ZNF362: variants seen among roughly 807,000 people sequenced by gnomAD.
ZNF362 encodes zinc finger protein 362.
ZNF362 carries 11 observed loss-of-function variants against 42.9 expected under a neutral mutation model. That is an observed-to-expected ratio of 0.26 (90% CI 0.16 to 0.42). ZNF362 has a LOEUF of 0.42. Ranked by LOEUF, ZNF362 falls within the 20% of genes least tolerant of loss-of-function variation. The pLI is 1.00. For synonymous variants in ZNF362, 255 were observed against 257.3 expected (o/e 0.99, Z 0.09); for missense variants, 362 against 576.2 (o/e 0.63, Z 3.81).
the ZNF362 span, among the ~76,000 whole-genome samples, chr1:33,188,943 C>A: frequency 6.6e-6 from 1 of 152,188 alleles, no homozygotes; most frequent in East Asian, 1.9e-4. Context: ...CATGCTTCTT[C>A]CCCAGACCTC....
chr1:33,288,526 G>A (rs1256984678), intron 6 of ZNF362, among the ~76,000 whole-genome samples: 1 of 151,856 alleles, frequency 6.6e-6, no homozygotes, highest in African/African-American at 2.4e-5. Flanking sequence ...ATTACTTGAG[G>A]TCAGGAGTTT....
the ZNF362 span, among the ~76,000 whole-genome samples, chr1:33,201,195 T>TA: frequency 6.6e-6 from 1 of 152,148 alleles, no homozygotes; most frequent in Admixed American, 6.5e-5. Context: ...ACAATGATAG[T>TA]AGGAGATTCC....
chr1:33,289,822 A>G (rs1184643069), intron 6 of ZNF362, among the ~76,000 whole-genome samples: 1 of 152,106 alleles, frequency 6.6e-6, no homozygotes, highest in Non-Finnish European at 1.5e-5. Flanking sequence ...AGACATGGAG[A>G]AAATAAGTAC....
chr1:33,279,994 A>T, intron 4 of ZNF362, 130 bp from the exon 5 acceptor site: 1 of 1,077,636 alleles, frequency 9.3e-7, no homozygotes, highest in Non-Finnish European at 1.3e-6. Flanking sequence ...GGTCTCATTT[A>T]GTTACCCCTG....
chr1:33,280,356 C>G lies in ZNF362; in HGVS notation c.582C>G (p.Arg194=), dbSNP rs1206888763. The G allele has an allele frequency of 6.2e-7, 1 of 1,613,862 alleles. No individual in the cohort carries two copies. Among genetic ancestry groups the G allele is most frequent in the Non-Finnish European group, 8.5e-7 (1 of 1,179,954 alleles). ...LLGPPKSERG[R]KKIKAENPGG... is the part of the protein sequence containing the mutation. ...GCCCCCCCAAGTCCGAACGCGGCCG[C>G]AAAAAGATCAAGGCGGAGAACCCGG... The change falls in exon 5 of 9, where the codon CGC becomes CGG. Residue 194 remains arginine (R), a synonymous_variant. Coordinates refer to ENST00000539719, the MANE Select transcript of ZNF362 (RefSeq NM_152493.3). The surrounding 1 kb of genome is among the most constrained non-coding windows in gnomAD (Gnocchi z 5.6).
chr1:33,277,022 C>T (rs550565609), intron 4 of ZNF362, among the ~76,000 whole-genome samples: 1 of 152,346 alleles, frequency 6.6e-6, no homozygotes, highest in African/African-American at 2.4e-5. Flanking sequence ...GAGGGAACCG[C>T]ACAGGCGGAG....
the ZNF362 span, among the ~76,000 whole-genome samples, chr1:33,217,140 A>G: frequency 8.5e-5 from 13 of 152,118 alleles, no homozygotes; most frequent in African/African-American, 3.1e-4. Flanking sequence ...GCTCAGTGCT[A>G]AGGAGGCTAA....
At chr1:33,289,328 G>A (rs1646057788) in intron 6 of ZNF362, among the ~76,000 whole-genome samples, 2 of 152,156 alleles carry the variant, frequency 1.3e-5, no homozygotes, top group Admixed American at 1.3e-4. Flanking sequence ...GGCCTTGCAA[G>A]CTGGGGAAGG....
At chr1:33,271,809 T>C (rs1006885649) in intron 2 of ZNF362, among the ~76,000 whole-genome samples, 4 of 151,884 alleles carry the variant, frequency 2.6e-5, no homozygotes, top group African/African-American at 9.7e-5. Context: ...ACTGTGTGTC[T>C]GCAGGAGCAT....
chr1:33,189,709 G>GTATATATATATATA, the ZNF362 span, among the ~76,000 whole-genome samples: 51 of 12,442 alleles, frequency 4.1e-3, 1 homozygote, highest in Non-Finnish European at 4.4e-3. Flanking sequence ...ACATATATAC[G>GTATATATATATATA]TATATATATA....
At chr1:33,144,340 G>A in the ZNF362 span, among the ~76,000 whole-genome samples, 10 of 152,266 alleles carry the variant, frequency 6.6e-5, no homozygotes, top group Admixed American at 2.6e-4. Context: ...GTTTCTCCAC[G>A]TTGGTCAGGG....
the ZNF362 span, among the ~76,000 whole-genome samples, chr1:33,234,397 G>C: frequency 7.2e-5 from 11 of 152,058 alleles, no homozygotes; most frequent in Non-Finnish European, 1.5e-5. Flanking sequence ...CATCATTTTT[G>C]CCAAGGGCTA....
At chr1:33,257,768 T>C (rs1645803849) in intron 1 of ZNF362, among the ~76,000 whole-genome samples, 1 of 152,186 alleles carries the variant, frequency 6.6e-6, no homozygotes, top group South Asian at 2.1e-4. Flanking sequence ...CCCACCACCC[T>C]GCCCTCGAGC....
the ZNF362 span, among the ~76,000 whole-genome samples, chr1:33,178,613 G>C: frequency 6.6e-6 from 1 of 152,214 alleles, no homozygotes; most frequent in Admixed American, 6.5e-5. Flanking sequence ...TCCCAGGTCA[G>C]CTTCACAAAA....
chr1:33,264,753 A>G (rs768163862), intron 1 of ZNF362, among the ~76,000 whole-genome samples: 4 of 152,054 alleles, frequency 2.6e-5, no homozygotes. Context: ...CTCTGCCTGC[A>G]CCAGATGCAT....
chr1:33,254,732 C>CT (rs1645776218), upstream of ZNF362, among the ~76,000 whole-genome samples: 1 of 98,086 alleles, frequency 1.0e-5, no homozygotes. Flanking sequence ...TTTCCTCTCC[C>CT]TTTCCATATT....
chr1:33,141,812 G>A, the ZNF362 span: 10 of 169,690 alleles, frequency 5.9e-5, 1 homozygote, highest in East Asian at 4.2e-4. Context: ...AAACCTGCAC[G>A]TCCTGCACAT....
upstream of ZNF362, among the ~76,000 whole-genome samples, chr1:33,254,750 TG>T (rs916448881): frequency 1.4e-4 from 21 of 152,148 alleles, no homozygotes; most frequent in Non-Finnish European, 2.6e-4. Flanking sequence ...ATTGTGCGCT[TG>T]GGGAGGACGT....
Position 33,280,489 on chromosome 1 carries a change from G to A in ZNF362, c.683+32G>A, listed in dbSNP as rs769573157. ...GTCTTGGCGGGATGGGGTCCGAGTG[G>A]GCTTGGGGCTGGGGCTTGAGCCAGG... On this transcript the variant is annotated intron_variant, in intron 5 of 8. Transcript: ENST00000539719. This position sits in a 1 kb window ranked among gnomAD's most constrained non-coding sequence, Gnocchi z 5.6. The A allele has an allele frequency of 1.1e-5, 16 of 1,516,898 alleles. No individual in the cohort carries two copies. The highest frequency in any genetic ancestry group is 5.5e-5 in the African/African-American group (4 of 72,800). 94.0% of individuals were successfully genotyped at this position (1,516,898 alleles called of 1,614,324 possible).
Sources: allele counts gnomAD v4.1 joint callset (sites outside exome capture counted in the v4.1 genomes callset), GRCh38; gene constraint gnomAD v4.1.1; non-coding constraint Gnocchi (gnomAD v3.1); transcripts MANE v1.5; gene names NCBI Gene and HGNC (gene_info 2026-07-23, HGNC 2026-07-21).